CLPB: variants seen among roughly 807,000 people sequenced by gnomAD.
CLPB encodes the protein mitochondrial disaggregase.
CLPB carries 40 observed loss-of-function variants against 78.4 expected under a neutral mutation model. That is an observed-to-expected ratio of 0.51 (90% CI 0.40 to 0.66). The LOEUF (loss-of-function observed/expected upper bound fraction) is 0.66, where lower values mean the gene tolerates loss of function less well. Among genes scored for constraint, CLPB ranks in the 30% least tolerant of loss-of-function variants. The pLI is 0.00. For missense variants in CLPB, 780 were observed against 886.9 expected (o/e 0.88, Z 1.53); for synonymous variants, 333 against 348.0 (o/e 0.96, Z 0.48).
intron 5 of CLPB, among the ~76,000 whole-genome samples, chr11:72,347,088 T>G (rs933882109): frequency 6.6e-5 from 10 of 150,778 alleles, no homozygotes; most frequent in Non-Finnish European, 1.3e-4. Flanking sequence ...GAATGCCAAG[T>G]GCTAACTGGT....
intron 4 of CLPB, among the ~76,000 whole-genome samples, chr11:72,369,961 G>A (rs996773160): frequency 2.6e-5 from 4 of 152,088 alleles, no homozygotes; most frequent in Admixed American, 1.3e-4. Flanking sequence ...GTGACAGCTC[G>A]ACCGTCATCT....
At chr11:72,387,832 T>C (rs150126738) in intron 3 of CLPB, among the ~76,000 whole-genome samples, 42 of 152,256 alleles carry the variant, frequency 2.8e-4, no homozygotes, top group Middle Eastern at 6.8e-3. Flanking sequence ...TCTGCACAAG[T>C]TGATGTGTGT....
chr11:72,326,766 A>G (rs1427317702), intron 6 of CLPB, among the ~76,000 whole-genome samples: 1 of 152,232 alleles, frequency 6.6e-6, no homozygotes, highest in Non-Finnish European at 1.5e-5. Context: ...ACTTACTGGC[A>G]GAGGGAGAAG....
intron 5 of CLPB, among the ~76,000 whole-genome samples, chr11:72,340,913 C>T (rs1318861073): frequency 2.6e-5 from 4 of 152,176 alleles, no homozygotes; most frequent in Admixed American, 6.5e-5. Context: ...TGCAGTGGCA[C>T]GATCTCGGCT....
chr11:72,384,350 T>C (rs1855012894), intron 3 of CLPB, among the ~76,000 whole-genome samples: 1 of 152,126 alleles, frequency 6.6e-6, no homozygotes, highest in African/African-American at 2.4e-5. Context: ...AATATGTAAA[T>C]TGTGACACTA....
rs1854871823 is a variant in CLPB at position 72,380,381 on chromosome 11, C to T, written c.546G>A (p.Val182=). The T allele has an allele frequency of 6.2e-7, 1 of 1,613,508 alleles. No homozygotes were observed. Among genetic ancestry groups the T allele is most frequent in the Non-Finnish European group, 8.5e-7 (1 of 1,179,436 alleles). ...CCCCAGCAGCAAGCAGGACCTGTAC[C>T]ACACTAGAAGAAATCACAAAGACAG... ...MVAAINRNNS[V]VQVLLAAGAD... is the part of the protein sequence containing the mutation. Residue 182 remains valine (V), a synonymous_variant, in exon 4 of 16, where the codon GTG becomes GTA. Transcript: ENST00000538039.
Position 72,400,999 on chromosome 11 carries a change from G to A in CLPB, c.542+1967C>T, listed in dbSNP as rs573254148. ...CTAGCACAGGGCCTGGCTCAAGGCA[G>A]ATATTTACCTAATGTTCATAGAAAT... On this transcript the variant is annotated intron_variant, in intron 3 of 15. Coordinates refer to ENST00000538039, the MANE Select transcript of CLPB (RefSeq NM_001258392.3). Among the ~76,000 whole-genome samples, 16 of 152,302 alleles carry A rather than the reference G, an allele frequency of 1.1e-4. 1 individual carries two copies. The South Asian group carries it at 3.1e-3, about 30-fold the overall frequency.
chr11:72,420,878 A>C (rs989208981), intron 2 of CLPB, among the ~76,000 whole-genome samples: 4 of 152,160 alleles, frequency 2.6e-5, no homozygotes, highest in African/African-American at 9.7e-5. Context: ...GGGTCTACCC[A>C]GCAGAACGCA....
At chr11:72,425,416 GGTTA>G (rs1420972694) in intron 2 of CLPB, among the ~76,000 whole-genome samples, 3 of 152,116 alleles carry the variant, frequency 2.0e-5, no homozygotes, top group Admixed American at 1.3e-4. Context: ...CACTCTGTGG[GGTTA>G]GTTATTATCA....
rs1364087441 is a variant in CLPB at position 72,291,673 on chromosome 11, A to T, written c.*1694T>A. 2 of 152,158 alleles carry T rather than the reference A, an allele frequency of 1.3e-5. No individual in the cohort carries two copies. Among genetic ancestry groups the T allele is most frequent in the African/African-American group, 4.8e-5 (2 of 41,450 alleles). The allele number at this position is 152,158 out of a possible 1,614,324, so 9.4% of individuals were successfully genotyped here. A position where few individuals can be genotyped will look rare whatever the true frequency, so the allele number is the denominator to read the frequency against. ...TGTAATCATTGGGAGATGCTAGATG[A>T]AAGATACATGGGAATTTTCTACTAT... On this transcript the variant is annotated 3_prime_UTR_variant, in exon 16 of 16. Coordinates refer to ENST00000538039, the MANE Select transcript of CLPB (RefSeq NM_001258392.3).
chr11:72,310,063 G>T (rs1949816994), intron 7 of CLPB, among the ~76,000 whole-genome samples: 1 of 152,190 alleles, frequency 6.6e-6, no homozygotes, highest in South Asian at 2.1e-4. Flanking sequence ...AAGGTGGCCA[G>T]CATGTCAGAG....
chr11:72,403,180 C>G, intron 2 of CLPB, 128 bp from the exon 3 acceptor site: 1 of 898,402 alleles, frequency 1.1e-6, no homozygotes, highest in Admixed American at 2.1e-5. Flanking sequence ...TAGAAACAAC[C>G]ATAGAAGAAA....
intron 3 of CLPB, 120 bp from the exon 4 acceptor site, chr11:72,380,504 G>A: frequency 1.4e-6 from 1 of 729,084 alleles, no homozygotes; most frequent in Non-Finnish European, 2.4e-6. Flanking sequence ...TGATACGGTG[G>A]GAAAAAAACC....
In CLPB at chr11:72,302,361, A is replaced by G; in HGVS notation, c.1123-13T>C. On this transcript the variant is annotated splice_polypyrimidine_tract_variant and intron_variant, in intron 9 of 15. Transcript: ENST00000538039. ...GCCTGATGAAGCCCTGTGTGGAAACAAGCAAGTACCAACTCCGTTTGGAGG... is the reference window on the plus strand; with the variant it reads ...GCCTGATGAAGCCCTGTGTGGAAACGAGCAAGTACCAACTCCGTTTGGAGG... 1.2e-6 allele frequency: 2 copies of G among 1,614,028 alleles called. No individual in the cohort carries two copies. Among genetic ancestry groups the G allele is most frequent in the Non-Finnish European group, 1.7e-6 (2 of 1,179,872 alleles).
intron 6 of CLPB, among the ~76,000 whole-genome samples, chr11:72,329,115 T>TA (rs1950177876): frequency 6.6e-6 from 1 of 152,234 alleles, no homozygotes; most frequent in South Asian, 2.1e-4. Context: ...GTTCCTGAGT[T>TA]ACAGCTCTGT....
intron 4 of CLPB, among the ~76,000 whole-genome samples, chr11:72,369,290 C>G (rs1236596720): frequency 1.3e-5 from 2 of 152,156 alleles, no homozygotes; most frequent in African/African-American, 2.4e-5. Flanking sequence ...ACAGACCCAT[C>G]AAAACTCTGT....
intron 2 of CLPB, among the ~76,000 whole-genome samples, chr11:72,405,176 A>T (rs188135816): frequency 1.2e-4 from 18 of 152,326 alleles, no homozygotes; most frequent in African/African-American, 4.3e-4. Flanking sequence ...AAGTGGAAGG[A>T]AGTGCACGTC....
intron 5 of CLPB, among the ~76,000 whole-genome samples, chr11:72,353,853 G>T (rs896947758): frequency 2.0e-5 from 3 of 152,190 alleles, no homozygotes; most frequent in African/African-American, 7.2e-5. Flanking sequence ...GAGTATTAGG[G>T]CTCCAGTAGG....
At chr11:72,321,556 G>A (rs1950044114) in intron 6 of CLPB, among the ~76,000 whole-genome samples, 1 of 152,202 alleles carries the variant, frequency 6.6e-6, no homozygotes, top group Non-Finnish European at 1.5e-5. Flanking sequence ...GCTTAGAGGT[G>A]GGTGGCTGGG....
Sources: allele counts gnomAD v4.1 joint callset (sites outside exome capture counted in the v4.1 genomes callset), GRCh38; gene constraint gnomAD v4.1.1; transcripts MANE v1.5; gene names NCBI Gene and HGNC (gene_info 2026-07-23, HGNC 2026-07-21).